CTNNA2: variants seen among roughly 807,000 people sequenced by gnomAD.
CTNNA2 encodes catenin alpha-2.
Under a neutral mutation model 101.0 loss-of-function variants are expected in CTNNA2, and 42 were observed. That is an observed-to-expected ratio of 0.42 (90% CI 0.32 to 0.54). The LOEUF (loss-of-function observed/expected upper bound fraction) is 0.54, where lower values mean the gene tolerates loss of function less well. Among genes scored for constraint, CTNNA2 ranks in the 20% least tolerant of loss-of-function variants. The pLI is 0.14. For synonymous variants in CTNNA2, 450 were observed against 456.4 expected, an observed-to-expected ratio of 0.99 and a Z score of 0.18; for missense variants, 871 against 1,223.1, an observed-to-expected ratio of 0.71 and a Z score of 4.29.
intron 7 of CTNNA2, among the ~76,000 whole-genome samples, chr2:80,219,150 T>C: frequency 6.6e-6 from 1 of 152,222 alleles, no homozygotes; most frequent in Non-Finnish European, 1.5e-5. Context: ...TGCTAAGACC[T>C]TGACTTTTGT....
At chr2:80,614,513 C>T (rs542327003) in intron 17 of CTNNA2, among the ~76,000 whole-genome samples, 1 of 151,220 alleles carries the variant, frequency 6.6e-6, no homozygotes, top group African/African-American at 2.4e-5. Context: ...TAGAACCAAT[C>T]CCCCATGGAT....
intron 3 of CTNNA2, among the ~76,000 whole-genome samples, chr2:79,809,827 A>C (rs1319948247): frequency 6.6e-6 from 1 of 152,028 alleles, no homozygotes; most frequent in South Asian, 2.1e-4. Context: ...TGTTGCCATT[A>C]CTTTTGGTGT....
chr2:80,648,624 T>C lies in CTNNA2; in HGVS notation c.*752T>C, dbSNP rs535616879. 1 of 152,386 alleles carries C rather than the reference T, an allele frequency of 6.6e-6. No homozygotes were observed. Among genetic ancestry groups the C allele is most frequent in the Admixed American group, 6.6e-5 (1 of 15,244 alleles). 9.4% of individuals were successfully genotyped at this position (152,386 alleles called of 1,614,324 possible). A position where few individuals can be genotyped will look rare whatever the true frequency, so the allele number is the denominator to read the frequency against. ...TTCTTTTTAATTTGAACCATGATTT[T>C]GCTAGAAATAGAAGGCCCAGTGGTG... On this transcript the variant is annotated 3_prime_UTR_variant, in exon 19 of 19. Transcript: ENST00000402739.
intron 2 of CTNNA2, among the ~76,000 whole-genome samples, chr2:79,676,551 C>T (rs887664997): frequency 4.6e-5 from 7 of 152,056 alleles, no homozygotes; most frequent in East Asian, 1.9e-4. Flanking sequence ...CCTAGGTGAT[C>T]GGCTCTGGAA....
intron 7 of CTNNA2, among the ~76,000 whole-genome samples, chr2:79,927,988 TA>T (rs965210983): frequency 2.2e-4 from 33 of 151,824 alleles, no homozygotes; most frequent in African/African-American, 5.8e-4. Context: ...TTTTAAAAGT[TA>T]AAAAAAAATT....
Position 79,874,343 on chromosome 2 carries a change from G to C in CTNNA2, c.852+1G>C. 6.2e-7 allele frequency: 1 copy of C among 1,613,318 alleles called. No individual in the cohort carries two copies. Among genetic ancestry groups the C allele is most frequent in the African/African-American group, 1.3e-5 (1 of 74,844 alleles). ...GGCTGCGGCTCTTAATGAGTTTGAC[G>C]TAAGCATCCTGGTGAGGTACACAGA... is the stretch of plus-strand genomic sequence containing the variant. On this transcript the variant is annotated splice_donor_variant, in intron 6 of 18. Coordinates refer to ENST00000402739, the MANE Select transcript of CTNNA2 (RefSeq NM_001282597.3). LOFTEE classifies it high-confidence loss of function.
chr2:80,115,292 G>T (rs537716157), intron 7 of CTNNA2, among the ~76,000 whole-genome samples: 2 of 152,324 alleles, frequency 1.3e-5, no homozygotes, highest in South Asian at 2.1e-4. Context: ...ACCTGCATTT[G>T]CAAGGTGTGA....
Position 80,435,106 on chromosome 2 carries a change from AG to A in CTNNA2, c.1290+15506del, listed in dbSNP as rs992093164. Among the ~76,000 whole-genome samples, 50 of 152,322 alleles carry A rather than the reference AG, an allele frequency of 3.3e-4. No homozygotes were observed. The Middle Eastern group carries it at 0.01, about 31-fold the overall frequency. On this transcript the variant is annotated intron_variant, in intron 9 of 18. Transcript: ENST00000402739. ...TGGCCTCTACCCACTAGAAGCCAGG[AG>A]CACTTCCCTCTAATTGCAACAACCA...
chr2:80,562,024 A>C (rs982552021), intron 12 of CTNNA2, among the ~76,000 whole-genome samples: 1 of 152,036 alleles, frequency 6.6e-6, no homozygotes, highest in Non-Finnish European at 1.5e-5. Context: ...CAAGTGGTTA[A>C]AAACTTTTGG....
At chr2:79,376,357 C>A (rs904787363) in intron 4 of CTNNA2, among the ~76,000 whole-genome samples, 1 of 151,990 alleles carries the variant, frequency 6.6e-6, no homozygotes, top group Non-Finnish European at 1.5e-5. Context: ...GGTTTCTGAT[C>A]CTGTGTGTTT....
intron 12 of CTNNA2, among the ~76,000 whole-genome samples, chr2:80,570,626 T>C (rs950992058): frequency 5.9e-5 from 9 of 152,168 alleles, no homozygotes; most frequent in Non-Finnish European, 8.8e-5. Flanking sequence ...CCAAAGAATA[T>C]AATAAGATGG....
chr2:80,322,721 C>A (rs549629574), intron 7 of CTNNA2, among the ~76,000 whole-genome samples: 1 of 152,288 alleles, frequency 6.6e-6, no homozygotes, highest in Admixed American at 6.5e-5. Flanking sequence ...TATCCAAAAC[C>A]CAGTCGCTTT....
intron 7 of CTNNA2, among the ~76,000 whole-genome samples, chr2:80,098,447 G>A (rs887233797): frequency 2.0e-5 from 3 of 152,180 alleles, no homozygotes; most frequent in Non-Finnish European, 4.4e-5. Context: ...TAGGCTACTC[G>A]GGGATCAGGG....
At chr2:79,370,591 G>A (rs1411854443) in intron 3 of CTNNA2, among the ~76,000 whole-genome samples, 3 of 151,668 alleles carry the variant, frequency 2.0e-5, no homozygotes, top group Non-Finnish European at 4.4e-5. Context: ...CAGGACTCCT[G>A]AACTCCCTGT....
chr2:80,224,293 A>G (rs556548668), intron 7 of CTNNA2, among the ~76,000 whole-genome samples: 4 of 152,240 alleles, frequency 2.6e-5, no homozygotes, highest in South Asian at 2.1e-4. Flanking sequence ...TTAATGAAGC[A>G]TATGTCTTCT....
chr2:80,629,310 G>T (rs539478533), intron 18 of CTNNA2, among the ~76,000 whole-genome samples: 2 of 152,068 alleles, frequency 1.3e-5, no homozygotes, highest in Non-Finnish European at 2.9e-5. Flanking sequence ...AGGAATCACC[G>T]ACAGAGAGGG....
chr2:80,037,786 TA>T (rs1402091251), intron 7 of CTNNA2, among the ~76,000 whole-genome samples: 2 of 152,174 alleles, frequency 1.3e-5, no homozygotes, highest in Admixed American at 6.5e-5. Flanking sequence ...ATTCTGTAAC[TA>T]AAAAAAATTA....
At chr2:79,365,140 G>C (rs1218135679) in intron 3 of CTNNA2, among the ~76,000 whole-genome samples, 6 of 152,096 alleles carry the variant, frequency 3.9e-5, no homozygotes, top group African/African-American at 1.4e-4. Context: ...AGCTGAGCAT[G>C]GTGGCGGGTG....
At chr2:79,692,065 C>G (rs558961656) in intron 2 of CTNNA2, among the ~76,000 whole-genome samples, 2 of 152,122 alleles carry the variant, frequency 1.3e-5, no homozygotes, top group Non-Finnish European at 2.9e-5. Flanking sequence ...GCAAAAGAAA[C>G]TATCACCAGA....
Sources: allele counts gnomAD v4.1 joint callset (sites outside exome capture counted in the v4.1 genomes callset), GRCh38; gene constraint gnomAD v4.1.1; transcripts MANE v1.5; gene names NCBI Gene and HGNC (gene_info 2026-07-23, HGNC 2026-07-21).